The following MAP2K5 variants were observed in gnomAD, a reference collection of about 807,000 sequenced individuals.
MAP2K5 encodes dual specificity mitogen-activated protein kinase kinase 5.
A neutral mutation model predicts 83.1 loss-of-function variants in MAP2K5; 49 were observed. The observed-to-expected ratio is 0.59, with a 90% CI of 0.47 to 0.75. The LOEUF (loss-of-function observed/expected upper bound fraction) is 0.75, where lower values mean the gene tolerates loss of function less well. Ranked by LOEUF, MAP2K5 falls within the 30% of genes least tolerant of loss-of-function variation. MAP2K5 has a pLI of 0.00. For missense variants in MAP2K5, 457 were observed against 557.5 expected, an observed-to-expected ratio of 0.82 and a Z score of 1.82; for synonymous variants, 202 against 191.8, an observed-to-expected ratio of 1.05 and a Z score of -0.44.
chr15:67,617,859 T>C (rs1033781479), intron 8 of MAP2K5, among the ~76,000 whole-genome samples: 2 of 152,054 alleles, frequency 1.3e-5, no homozygotes, highest in Non-Finnish European at 2.9e-5. Context: ...CCCAGCTAAT[T>C]TTTTTAAATT....
intron 6 of MAP2K5, among the ~76,000 whole-genome samples, chr15:67,592,569 A>G (rs531036116): frequency 5.3e-5 from 8 of 152,312 alleles, no homozygotes; most frequent in African/African-American, 1.9e-4. Flanking sequence ...ATTTGCTGTG[A>G]ATATTAGTGC....
chr15:67,646,476 T>C lies in MAP2K5; in HGVS notation c.736+7T>C, dbSNP rs1305454218. ...TGTACAGAATTCATGGATGGTGAGT[T>C]TTCCCTTTTATAATACTTTTAAAAT... is the stretch of plus-strand genomic sequence containing the variant. On this transcript the variant is annotated splice_region_variant and intron_variant, in intron 11 of 21. Transcript: ENST00000178640. 3.9e-6 allele frequency: 6 copies of C among 1,530,426 alleles called. No homozygotes were observed. Among genetic ancestry groups the C allele is most frequent in the Middle Eastern group, 1.7e-4 (1 of 5,718 alleles). The allele number at this position is 1,530,426 out of a possible 1,614,324, so 94.8% of individuals were successfully genotyped here. A position where few individuals can be genotyped will look rare whatever the true frequency, so the allele number is the denominator to read the frequency against.
chr15:67,551,706 T>C (rs2084513977), intron 2 of MAP2K5, among the ~76,000 whole-genome samples: 1 of 152,132 alleles, frequency 6.6e-6, no homozygotes, highest in African/African-American at 2.4e-5. Context: ...AGTAGTGAGA[T>C]CACAGCTTGC....
At chr15:67,711,823 C>T (rs898511193) in intron 16 of MAP2K5, among the ~76,000 whole-genome samples, 2 of 152,142 alleles carry the variant, frequency 1.3e-5, no homozygotes, top group African/African-American at 2.4e-5. Context: ...TTGTAAACAC[C>T]CAAAGGGTCA....
At chr15:67,784,608 A>G (rs1014144753) in intron 21 of MAP2K5, among the ~76,000 whole-genome samples, 3 of 152,214 alleles carry the variant, frequency 2.0e-5, no homozygotes, top group Admixed American at 6.5e-5. Context: ...GCCTCAGTAG[A>G]GACAAAACAC....
intron 13 of MAP2K5, among the ~76,000 whole-genome samples, chr15:67,681,401 C>T (rs2087813290): frequency 6.6e-6 from 1 of 152,194 alleles, no homozygotes; most frequent in African/African-American, 2.4e-5. Context: ...ATGATTCGTC[C>T]AGTCTCACAG....
chr15:67,600,826 T>G, intron 8 of MAP2K5, 77 bp downstream of exon 8: 1 of 1,047,620 alleles, frequency 9.5e-7, no homozygotes, highest in East Asian at 2.5e-5. Context: ...TGGCAAAGAT[T>G]TTTAAATGAC....
rs1200514362 is a variant in MAP2K5, at chr15:67,665,021, T to C, written c.847+376T>C. Among the ~76,000 whole-genome samples the C allele has an allele frequency of 6.6e-6, 1 of 152,190 alleles. No individual in the cohort carries two copies. Among genetic ancestry groups the C allele is most frequent in the African/African-American group, 2.4e-5 (1 of 41,450 alleles). The stretch of plus-strand genomic sequence containing the variant: ...GCATCACACACTGTTCCTTAAGAGA[T>C]TGCTTCACATACTGGAAAGAAAAAC... On this transcript the variant is annotated intron_variant, in intron 13 of 21. Coordinates refer to ENST00000178640, the MANE Select transcript of MAP2K5 (RefSeq NM_145160.3). This position sits in a 1 kb window ranked among gnomAD's most constrained non-coding sequence, Gnocchi z 4.2.
intron 21 of MAP2K5, among the ~76,000 whole-genome samples, chr15:67,800,017 C>G (rs1281256453): frequency 1.3e-5 from 2 of 152,174 alleles, no homozygotes; most frequent in African/African-American, 4.8e-5. Flanking sequence ...CTCTCCTTCC[C>G]TGGCCATTCC....
intron 8 of MAP2K5, among the ~76,000 whole-genome samples, chr15:67,601,827 A>C (rs1341808572): frequency 6.6e-6 from 1 of 152,234 alleles, no homozygotes; most frequent in Non-Finnish European, 1.5e-5. Flanking sequence ...CTTTTGAAGT[A>C]ATCTGATCCA....
At chr15:67,608,914 G>A (rs1044092900) in intron 8 of MAP2K5, among the ~76,000 whole-genome samples, 6 of 152,138 alleles carry the variant, frequency 3.9e-5, no homozygotes, top group African/African-American at 7.2e-5. Context: ...GGGCCAGCAC[G>A]GTGCCTTACC....
At chr15:67,707,341 G>C (rs2088580991) in intron 16 of MAP2K5, among the ~76,000 whole-genome samples, 1 of 152,198 alleles carries the variant, frequency 6.6e-6, no homozygotes, top group Non-Finnish European at 1.5e-5. Flanking sequence ...GTTAGGAATA[G>C]ATGTAGCAAA....
intron 6 of MAP2K5, among the ~76,000 whole-genome samples, chr15:67,592,517 A>G (rs2085436548): frequency 6.6e-6 from 1 of 152,228 alleles, no homozygotes; most frequent in African/African-American, 2.4e-5. Flanking sequence ...AGAGACCAGG[A>G]CTTAAATTAT....
rs368240385 is a variant in MAP2K5 at position 67,572,948 on chromosome 15, G to A, written c.253-7806G>A. On this transcript the variant is annotated intron_variant, in intron 3 of 21. Transcript: ENST00000178640. This position sits in a 1 kb window ranked among gnomAD's most constrained non-coding sequence, Gnocchi z 4.2. ...CCTGACCTTGTGATCTGCCTGCCTC[G>A]GCCTGCCAAAGTGCTGGGATTACAG... 2.6e-5 allele frequency among the ~76,000 whole-genome samples: 4 copies of A among 152,172 alleles called. No homozygotes were observed. The highest frequency in any genetic ancestry group is 7.2e-5 in the African/African-American group (3 of 41,516).
chr15:67,551,972 A>C (rs936857788), intron 2 of MAP2K5, among the ~76,000 whole-genome samples: 1 of 151,474 alleles, frequency 6.6e-6, no homozygotes, highest in Non-Finnish European at 1.5e-5. Flanking sequence ...CGCTTCCCCA[A>C]CTTTATGTGT....
In MAP2K5 at chr15:67,722,960, A is replaced by G. The variant is rs1314140439; in HGVS notation, c.1045-4956A>G. Among the ~76,000 whole-genome samples the G allele has an allele frequency of 6.6e-6, 1 of 152,186 alleles. No homozygotes were observed. The highest frequency in any genetic ancestry group is 1.5e-5 in the Non-Finnish European group (1 of 68,016). Reference sequence around the variant, plus strand: ...TTTGTAGTTATGCCGAGAAACATAGAATATGTCTAAATTAAGAATAAAAAA... The same window carrying G: ...TTTGTAGTTATGCCGAGAAACATAGGATATGTCTAAATTAAGAATAAAAAA... On this transcript the variant is annotated intron_variant, in intron 16 of 21. Transcript: ENST00000178640. This position sits in a 1 kb window ranked among gnomAD's most constrained non-coding sequence, Gnocchi z 4.2.
chr15:67,724,881 G>A lies in MAP2K5; in HGVS notation c.1045-3035G>A, dbSNP rs540822534. 6.9e-4 allele frequency among the ~76,000 whole-genome samples: 105 copies of A among 152,326 alleles called. 1 individual carries two copies. In the Middle Eastern group the frequency reaches 0.02, roughly 30 times the overall value. ...TTCAACAGCCCAGTGGTGACACTCT[G>A]TAAGAGAGGAAGTGATTGTCATCAT... On this transcript the variant is annotated intron_variant, in intron 16 of 21. Coordinates refer to ENST00000178640, the MANE Select transcript of MAP2K5 (RefSeq NM_145160.3). This position sits in a 1 kb window ranked among gnomAD's most constrained non-coding sequence, Gnocchi z 4.4.
chr15:67,547,077 A>ACACAC (rs368718348), intron 1 of MAP2K5, among the ~76,000 whole-genome samples: 1 of 144,092 alleles, frequency 6.9e-6, no homozygotes, highest in African/African-American at 2.6e-5. Flanking sequence ...AAAAGAAGAA[A>ACACAC]ACACACACAC....
chr15:67,797,495 T>C (rs1045161340), intron 21 of MAP2K5, among the ~76,000 whole-genome samples: 1 of 152,224 alleles, frequency 6.6e-6, no homozygotes, highest in Non-Finnish European at 1.5e-5. Flanking sequence ...CTTGGAGATA[T>C]TCTGTTGCCC....
Sources: gnomAD v4.1 joint callset for allele counts (sites outside exome capture counted in the v4.1 genomes callset) on GRCh38, gnomAD v4.1.1 for gene constraint, Gnocchi (gnomAD v3.1) non-coding constraint, MANE v1.5 for transcripts, NCBI Gene and HGNC (gene_info 2026-07-23, HGNC 2026-07-21) for gene names.